Variants in ATAD2B observed in about 807,000 individuals in gnomAD.
ATAD2B encodes ATPase family AAA domain containing 2B, also known as ATPase family AAA domain-containing protein 2B.
ATAD2B carries 40 observed loss-of-function variants against 167.6 expected under a neutral mutation model. That is an observed-to-expected ratio of 0.24 (90% CI 0.19 to 0.31). The LOEUF (loss-of-function observed/expected upper bound fraction) is 0.31. ATAD2B is among the 10% of genes least tolerant of loss of function. ATAD2B has a pLI of 1.00. For synonymous variants in ATAD2B, 579 were observed against 596.5 expected, an observed-to-expected ratio of 0.97 and a Z score of 0.43; for missense variants, 1,242 against 1,757.2, an observed-to-expected ratio of 0.71 and a Z score of 5.24.
intron 12 of ATAD2B, among the ~76,000 whole-genome samples, chr2:23,859,648 T>G (rs541185810): frequency 1.9e-3 from 285 of 152,278 alleles, no homozygotes; most frequent in Admixed American, 3.1e-3. Context: ...CCAAAACTCA[T>G]GTTGAAATTT....
chr2:23,788,408 C>T (rs1681145077), intron 20 of ATAD2B, 104 bp downstream of exon 20: 1 of 1,269,082 alleles, frequency 7.9e-7, no homozygotes, highest in South Asian at 1.4e-5. Flanking sequence ...ACCTGACAAA[C>T]TGTCCTCACT....
chr2:23,806,580 T>C (rs1260568706), intron 18 of ATAD2B, among the ~76,000 whole-genome samples: 1 of 152,114 alleles, frequency 6.6e-6, no homozygotes, highest in Non-Finnish European at 1.5e-5. Flanking sequence ...CAGAACTCTT[T>C]TTTTTTAACT....
intron 16 of ATAD2B, among the ~76,000 whole-genome samples, chr2:23,821,621 T>C (rs980177140): frequency 2.0e-5 from 3 of 152,188 alleles, no homozygotes; most frequent in Admixed American, 6.5e-5. Context: ...TTAATGTTAG[T>C]ATAATTCTCT....
the ATAD2B span, among the ~76,000 whole-genome samples, chr2:23,732,029 A>T: frequency 6.6e-6 from 1 of 151,988 alleles, no homozygotes; most frequent in Non-Finnish European, 1.5e-5. Context: ...TATTTTTTGT[A>T]AAGAATCTTC....
At chr2:23,822,711 T>C (rs1332551461) in intron 16 of ATAD2B, among the ~76,000 whole-genome samples, 1 of 150,786 alleles carries the variant, frequency 6.6e-6, no homozygotes, top group African/African-American at 2.4e-5. Context: ...AGGTCAGAAG[T>C]TGGAAACCAG....
At chr2:23,825,141 G>C (rs1688058164) in intron 15 of ATAD2B, among the ~76,000 whole-genome samples, 1 of 144,522 alleles carries the variant, frequency 6.9e-6, no homozygotes, top group African/African-American at 2.6e-5. Context: ...GTAGAGATAG[G>C]GGTCTCACTT....
At position 23,887,964 on chromosome 2, in the gene ATAD2B, C is replaced by T. The variant is rs749657351; in HGVS notation, c.440G>A (p.Arg147Gln). 11 of 1,597,560 alleles carry T rather than the reference C, an allele frequency of 6.9e-6. No homozygotes were observed. Among genetic ancestry groups the T allele is most frequent in the Middle Eastern group, 3.3e-4 (2 of 6,046 alleles). The stretch of plus-strand genomic sequence containing the variant: ...GTCCCCATCTCCCTTCTTTTCCCCT[C>T]GAAGGGGATGGCTTCGAAGGGCTAC... Reference protein sequence around the residue: ...SGLSLRSHPLRGEKKGDGDLS... With the variant: ...SGLSLRSHPLQGEKKGDGDLS... Residue 147 changes from arginine to glutamine, a missense_variant, in exon 4 of 28, where the codon CGA becomes CAA. This residue lies in a region of ATAD2B where 199 missense variants were observed against 194.9 expected (regional missense o/e 1.02). Coordinates refer to ENST00000238789, the MANE Select transcript of ATAD2B (RefSeq NM_017552.4).
At chr2:23,730,424 T>G in the ATAD2B span, among the ~76,000 whole-genome samples, 1 of 151,932 alleles carries the variant, frequency 6.6e-6, no homozygotes, top group African/African-American at 2.4e-5. Context: ...CCCAGCACTT[T>G]GGGAGGCCGA....
At chr2:23,703,805 C>T in the ATAD2B span, 60 of 1,537,514 alleles carry the variant, frequency 3.9e-5, 2 homozygotes, top group South Asian at 5.7e-4. Context: ...CATCTACGAC[C>T]CTGAGAAAGG....
At chr2:23,703,426 G>A in the ATAD2B span, 16 of 1,400,248 alleles carry the variant, frequency 1.1e-5, no homozygotes, top group Non-Finnish European at 1.5e-5. Context: ...TCGCATCCCT[G>A]CCTTGCTGAT....
chr2:23,790,080 C>T (rs1479405650), intron 19 of ATAD2B, among the ~76,000 whole-genome samples: 1 of 152,144 alleles, frequency 6.6e-6, no homozygotes, highest in Non-Finnish European at 1.5e-5. Context: ...TGCACAGTTC[C>T]CTCCAACCCT....
intron 13 of ATAD2B, among the ~76,000 whole-genome samples, chr2:23,847,435 G>A (rs1375961872): frequency 6.6e-6 from 1 of 152,036 alleles, no homozygotes; most frequent in South Asian, 2.1e-4. Flanking sequence ...AACCTGGGAG[G>A]CGGAGGTTGC....
At chr2:23,813,216 A>G (rs6718631) in intron 17 of ATAD2B, among the ~76,000 whole-genome samples, 123,193 of 151,308 alleles carry the variant, frequency 0.81, 50,268 homozygotes, top group East Asian at 0.94. Context: ...TGTAATCACT[A>G]TATGAAAGAA....
chr2:23,832,369 C>T (rs942049166), intron 14 of ATAD2B: 3 of 318,352 alleles, frequency 9.4e-6, no homozygotes, highest in African/African-American at 6.6e-5. Flanking sequence ...ACTGTTTCCT[C>T]GAAATGTTAG....
the ATAD2B span, among the ~76,000 whole-genome samples, chr2:23,738,542 G>A: frequency 6.6e-5 from 10 of 152,298 alleles, no homozygotes; most frequent in East Asian, 1.9e-3. Context: ...AAGAGCTCCT[G>A]AAGGAAGCAC....
chr2:23,680,295 T>C, the ATAD2B span, among the ~76,000 whole-genome samples: 154 of 152,156 alleles, frequency 1.0e-3, no homozygotes, highest in African/African-American at 3.4e-3. This position sits in a 1 kb window ranked among gnomAD's most constrained non-coding sequence, Gnocchi z 4.1. Flanking sequence ...TTGCGGGCAG[T>C]GGACCGTCTT....
intron 13 of ATAD2B, among the ~76,000 whole-genome samples, chr2:23,834,311 G>A (rs917053459): frequency 7.3e-5 from 11 of 151,534 alleles, no homozygotes; most frequent in Non-Finnish European, 4.4e-5. Flanking sequence ...ACAGGCGCAC[G>A]CCACCACGCC....
chr2:23,797,010 T>C (rs183347361), intron 19 of ATAD2B, among the ~76,000 whole-genome samples: 5 of 152,290 alleles, frequency 3.3e-5, no homozygotes, highest in East Asian at 1.9e-4. Context: ...CTATCAGATA[T>C]TGAATAATCA....
chr2:23,881,683 T>C (rs1697930415), intron 6 of ATAD2B, among the ~76,000 whole-genome samples: 1 of 151,766 alleles, frequency 6.6e-6, no homozygotes, highest in Non-Finnish European at 1.5e-5. Context: ...TTAAACTGTA[T>C]ACACTTAAAA....
Sources: allele counts gnomAD v4.1 joint callset (sites outside exome capture counted in the v4.1 genomes callset), GRCh38; gene constraint gnomAD v4.1.1; regional missense constraint gnomAD v4.1.1; non-coding constraint Gnocchi (gnomAD v3.1); transcripts MANE v1.5; gene names NCBI Gene and HGNC (gene_info 2026-07-23, HGNC 2026-07-21).